FRMD5: variants seen among roughly 807,000 people sequenced by gnomAD.
The protein encoded by FRMD5 is FERM domain-containing protein 5.
Under a neutral mutation model 69.0 loss-of-function variants are expected in FRMD5, and 20 were observed. The ratio of observed to expected loss-of-function variants is 0.29; its 90% CI spans 0.20 to 0.42. The LOEUF (loss-of-function observed/expected upper bound fraction) is 0.42, where lower values mean the gene tolerates loss of function less well. FRMD5 is among the 10% of genes least tolerant of loss of function. FRMD5 has a pLI of 1.00. For synonymous variants in FRMD5, 271 were observed against 260.1 expected (o/e 1.04, Z -0.40); for missense variants, 595 against 708.6 (o/e 0.84, Z 1.82).
At chr15:44,150,096 C>T (rs918636900) in intron 1 of FRMD5, among the ~76,000 whole-genome samples, 2 of 151,954 alleles carry the variant, frequency 1.3e-5, no homozygotes, top group African/African-American at 4.8e-5. Flanking sequence ...AACTATTTGA[C>T]AAAAATCAAC....
chr15:44,009,743 G>A (rs969579748), intron 1 of FRMD5, among the ~76,000 whole-genome samples: 3 of 152,152 alleles, frequency 2.0e-5, no homozygotes, highest in Non-Finnish European at 4.4e-5. Flanking sequence ...TTGGGGTGCT[G>A]TGTACTTCTA....
chr15:44,012,945 T>TA (rs71421817), intron 1 of FRMD5, among the ~76,000 whole-genome samples: 22,433 of 151,966 alleles, frequency 0.15, 2,189 homozygotes, highest in Middle Eastern at 0.29. Flanking sequence ...TTTGTATTTT[T>TA]AGTAATGGTG....
At chr15:43,971,024 C>T (rs978940947) in intron 1 of FRMD5, among the ~76,000 whole-genome samples, 2 of 151,782 alleles carry the variant, frequency 1.3e-5, no homozygotes, top group East Asian at 1.9e-4. Flanking sequence ...GCGAGGAAGG[C>T]GAATCACCTG....
At chr15:44,185,830 AAG>A (rs1356047030) in intron 1 of FRMD5, among the ~76,000 whole-genome samples, 2 of 151,894 alleles carry the variant, frequency 1.3e-5, no homozygotes, top group African/African-American at 4.8e-5. Flanking sequence ...AAAAATCTAA[AAG>A]AGGGCAGGCT....
At chr15:44,196,706 T>TG (rs57568093), upstream of FRMD5, among the ~76,000 whole-genome samples, 7 of 148,506 alleles carry the variant, frequency 4.7e-5, no homozygotes, top group East Asian at 2.0e-4. Flanking sequence ...TTTTTTTTTT[T>TG]GCATGGGGAG....
intron 1 of FRMD5, among the ~76,000 whole-genome samples, chr15:44,066,179 GTTC>G (rs1477641891): frequency 1.3e-5 from 2 of 152,068 alleles, no homozygotes; most frequent in African/African-American, 2.4e-5. Context: ...AGGTGTCCAG[GTTC>G]TTGTTTTCAA....
In FRMD5 at chr15:43,967,230, C is replaced by CAT. The variant is rs34586661; in HGVS notation, c.103-42923_103-42922dup. Among the ~76,000 whole-genome samples the CAT allele has an allele frequency of 4.5e-3, 666 of 147,148 alleles. 7 individuals are homozygous for CAT. Among genetic ancestry groups the CAT allele is most frequent in the South Asian group, 0.039 (180 of 4,654 alleles). Reference sequence around the variant, plus strand: ...ATATATATACACATAAATATATAAACATATATATATATATATGTTTGGGAT... The same window carrying CAT: ...ATATATATACACATAAATATATAAACATATATATATATATATATGTTTGGGAT... On this transcript the variant is annotated intron_variant, in intron 1 of 13. Coordinates refer to ENST00000417257, the MANE Select transcript of FRMD5 (RefSeq NM_032892.5).
intron 2 of FRMD5, among the ~76,000 whole-genome samples, chr15:43,920,729 G>A (rs554754291): frequency 1.3e-5 from 2 of 152,290 alleles, no homozygotes; most frequent in East Asian, 3.9e-4. Context: ...TGTCAGTCTC[G>A]TTTACCACTG....
chr15:44,079,049 A>G (rs1447561272), intron 1 of FRMD5, among the ~76,000 whole-genome samples: 2 of 152,164 alleles, frequency 1.3e-5, no homozygotes, highest in Non-Finnish European at 2.9e-5. Context: ...TCAGATATAT[A>G]GAGAACTCCT....
chr15:43,949,967 C>T (rs754147980), intron 1 of FRMD5, among the ~76,000 whole-genome samples: 3 of 152,192 alleles, frequency 2.0e-5, no homozygotes, highest in Admixed American at 6.5e-5. Flanking sequence ...GAAGGGCACA[C>T]GTGTCAGGCA....
At position 43,874,295 on chromosome 15, in the gene FRMD5, C is replaced by T. The variant is rs772937981; in HGVS notation, c.1303G>A (p.Val435Met). Residue 435 changes from valine to methionine, a missense_variant, in exon 14 of 14, where the codon GTG (valine) becomes ATG (methionine). By Grantham distance (21) the Val-to-Met change is conservative (BLOSUM62 1). Around this residue, in one of 5 missense-constraint regions of FRMD5, gnomAD observed 245 missense variants for 227.1 expected, o/e 1.08. Coordinates refer to ENST00000417257, the MANE Select transcript of FRMD5 (RefSeq NM_032892.5). Reference sequence around the variant, plus strand: ...ATCAGCTCCAGGCTGTGCTCAGCCACAGGGGTGGGCAGCACGCTGTCTGCA... The same window carrying T: ...ATCAGCTCCAGGCTGTGCTCAGCCATAGGGGTGGGCAGCACGCTGTCTGCA... ...SPADSVLPTP[V>M]AEHSLELMLL... 1 of 1,614,120 alleles carries T rather than the reference C, an allele frequency of 6.2e-7. No homozygotes were observed. Among genetic ancestry groups the T allele is most frequent in the African/African-American group, 1.3e-5 (1 of 74,936 alleles).
intron 1 of FRMD5, among the ~76,000 whole-genome samples, chr15:43,983,084 T>C (rs1396293426): frequency 6.6e-6 from 1 of 152,022 alleles, no homozygotes; most frequent in Non-Finnish European, 1.5e-5. Flanking sequence ...GCATGTGCCA[T>C]CACATCTGGC....
At chr15:44,091,862 C>T (rs1439542900) in intron 1 of FRMD5, among the ~76,000 whole-genome samples, 2 of 151,958 alleles carry the variant, frequency 1.3e-5, no homozygotes, top group African/African-American at 4.8e-5. Flanking sequence ...TCTCCTCTCT[C>T]CCTGCTTCCC....
chr15:43,972,800 G>A (rs1368577571), intron 1 of FRMD5, among the ~76,000 whole-genome samples: 4 of 152,140 alleles, frequency 2.6e-5, no homozygotes, highest in Non-Finnish European at 5.9e-5. Context: ...AGGTCTCCTA[G>A]GTAACTTCTA....
At chr15:43,946,653 A>T (rs1415812614) in intron 1 of FRMD5, among the ~76,000 whole-genome samples, 2 of 152,142 alleles carry the variant, frequency 1.3e-5, no homozygotes, top group African/African-American at 4.8e-5. Context: ...TTCAGGAGAG[A>T]AGGTTTGGGA....
intron 1 of FRMD5, among the ~76,000 whole-genome samples, chr15:44,050,210 T>C (rs973321644): frequency 1.3e-5 from 2 of 152,210 alleles, no homozygotes; most frequent in African/African-American, 4.8e-5. Context: ...ATATAAATGA[T>C]TTCTTCTCAT....
chr15:44,183,377 CAT>C (rs980077011), intron 1 of FRMD5, among the ~76,000 whole-genome samples: 4 of 152,096 alleles, frequency 2.6e-5, no homozygotes, highest in African/African-American at 9.7e-5. Flanking sequence ...ACTTGGGAAA[CAT>C]GTGAAAGATG....
intron 1 of FRMD5, among the ~76,000 whole-genome samples, chr15:43,971,679 A>G (rs1021922434): frequency 6.6e-6 from 1 of 151,196 alleles, no homozygotes; most frequent in African/African-American, 2.4e-5. Context: ...ATGACATTAT[A>G]TGCATAATTT....
chr15:43,965,114 C>T (rs568698045), intron 1 of FRMD5, among the ~76,000 whole-genome samples: 3 of 152,216 alleles, frequency 2.0e-5, no homozygotes, highest in South Asian at 2.1e-4. Context: ...GGGATTCCAG[C>T]GATATTTAGC....
Sources: gnomAD v4.1 joint callset for allele counts (sites outside exome capture counted in the v4.1 genomes callset) on GRCh38, gnomAD v4.1.1 for gene constraint, gnomAD v4.1.1 regional missense constraint, MANE v1.5 for transcripts, NCBI Gene and HGNC (gene_info 2026-07-23, HGNC 2026-07-21) for gene names.